TANC2: variants seen among roughly 807,000 people sequenced by gnomAD.
The protein encoded by TANC2 is tetratricopeptide repeat, ankyrin repeat and coiled-coil containing 2, also known as protein TANC2.
A neutral mutation model predicts 210.5 loss-of-function variants in TANC2; 26 were observed. The ratio of observed to expected loss-of-function variants is 0.12; its 90% CI spans 0.09 to 0.17. TANC2 has a LOEUF of 0.17. Among genes scored for constraint, TANC2 ranks in the 10% least tolerant of loss-of-function variants. TANC2 has a pLI of 1.00. For synonymous variants in TANC2, 931 were observed against 967.1 expected, an observed-to-expected ratio of 0.96 and a Z score of 0.69; for missense variants, 2,129 against 2,608.9, an observed-to-expected ratio of 0.82 and a Z score of 4.01.
intron 11 of TANC2, among the ~76,000 whole-genome samples, chr17:63,328,515 A>T (rs2045730286): frequency 6.6e-6 from 1 of 152,046 alleles, no homozygotes; most frequent in African/African-American, 2.4e-5. Flanking sequence ...CATTATGCTA[A>T]GTTAAATAAG....
At chr17:63,149,206 T>G (rs1240523265) in intron 4 of TANC2, 1 of 152,132 alleles carries the variant, frequency 6.6e-6, no homozygotes, top group African/African-American at 2.4e-5. Flanking sequence ...AGGTTTTATT[T>G]TTTTTCCTCT....
intron 3 of TANC2, among the ~76,000 whole-genome samples, chr17:63,085,407 T>C (rs2036922929): frequency 6.6e-6 from 1 of 152,164 alleles, no homozygotes. Flanking sequence ...CTTCTACTCT[T>C]TTCTGCCATT....
chr17:63,234,394 G>A (rs2042563660), intron 7 of TANC2, among the ~76,000 whole-genome samples: 1 of 152,070 alleles, frequency 6.6e-6, no homozygotes, highest in Non-Finnish European at 1.5e-5. Context: ...TCATATCATT[G>A]GTAACAATAT....
chr17:63,057,626 CTT>C (rs1266224299), intron 2 of TANC2, among the ~76,000 whole-genome samples: 3 of 152,068 alleles, frequency 2.0e-5, no homozygotes, highest in South Asian at 2.1e-4. Flanking sequence ...TTGTTTCCCT[CTT>C]TGTTTCCATG....
At chr17:63,357,350 T>C (rs541110981) in intron 14 of TANC2, among the ~76,000 whole-genome samples, 22 of 152,326 alleles carry the variant, frequency 1.4e-4, no homozygotes, top group African/African-American at 5.3e-4. Flanking sequence ...ACGGCTTTTA[T>C]ACAGCCATAT....
At chr17:63,027,437 T>C (rs1478195035) in intron 2 of TANC2, among the ~76,000 whole-genome samples, 1 of 152,060 alleles carries the variant, frequency 6.6e-6, no homozygotes, top group Non-Finnish European at 1.5e-5. Context: ...TAGAACAATG[T>C]TTGTGCCAAA....
intron 7 of TANC2, among the ~76,000 whole-genome samples, chr17:63,229,139 G>C (rs1467904493): frequency 6.6e-6 from 1 of 152,098 alleles, no homozygotes. Flanking sequence ...CTACATGAAG[G>C]GATGTTGAAT....
intron 6 of TANC2, among the ~76,000 whole-genome samples, chr17:63,195,679 T>C (rs2041322331): frequency 6.6e-6 from 1 of 152,222 alleles, no homozygotes; most frequent in East Asian, 1.9e-4. Flanking sequence ...GGTCTCCTAA[T>C]AGGTCTCTGT....
intron 9 of TANC2, among the ~76,000 whole-genome samples, chr17:63,298,014 C>T (rs1055617022): frequency 3.9e-5 from 6 of 152,108 alleles, no homozygotes; most frequent in South Asian, 2.1e-4. Context: ...TACTATTTTA[C>T]ACCCCCTAGG....
intron 9 of TANC2, among the ~76,000 whole-genome samples, chr17:63,314,105 C>T (rs1043519084): frequency 6.6e-6 from 1 of 152,194 alleles, no homozygotes; most frequent in Non-Finnish European, 1.5e-5. Context: ...CATCCCTTCC[C>T]TGTAATAATT....
chr17:63,271,436 C>CT (rs58847076), intron 9 of TANC2, among the ~76,000 whole-genome samples: 63,352 of 141,712 alleles, frequency 0.45, 16,645 homozygotes, highest in African/African-American at 0.76. Context: ...AGCTCTTTTT[C>CT]TTTTTTTTTT....
intron 2 of TANC2, among the ~76,000 whole-genome samples, chr17:63,022,834 C>T (rs551388099): frequency 6.6e-6 from 1 of 152,268 alleles, no homozygotes; most frequent in Non-Finnish European, 1.5e-5. Flanking sequence ...GCCCCAGGTG[C>T]AGCTTGACTC....
At position 63,376,024 on chromosome 17, in the gene TANC2, T is replaced by A. The variant is rs1435607676; in HGVS notation, c.2583-3694T>A. On this transcript the variant is annotated intron_variant, in intron 14 of 27. Coordinates refer to ENST00000689528, the Ensembl canonical transcript of TANC2. ...ATTGCTTGAACGTGGGAAGTGGAGG[T>A]TGCAGTGAGCCGAGATCACACCACT... Among the ~76,000 whole-genome samples the A allele has an allele frequency of 3.3e-5, 5 of 150,574 alleles. No individual in the cohort carries two copies. The East Asian group carries it at 9.9e-4, about 30-fold the overall frequency.
intron 9 of TANC2, among the ~76,000 whole-genome samples, chr17:63,270,902 G>T (rs1033489127): frequency 3.9e-5 from 6 of 152,082 alleles, no homozygotes; most frequent in Non-Finnish European, 5.9e-5. Context: ...CCACTTACAA[G>T]TGAGAACATG....
intron 4 of TANC2, among the ~76,000 whole-genome samples, chr17:63,102,646 A>T (rs1455788069): frequency 7.3e-6 from 1 of 136,528 alleles, no homozygotes; most frequent in Admixed American, 7.3e-5. Flanking sequence ...ACCTCTGGAC[A>T]CAGGAAGGGG....
chr17:63,401,860 C>T (rs921509073), intron 19 of TANC2, among the ~76,000 whole-genome samples: 7 of 152,152 alleles, frequency 4.6e-5, no homozygotes, highest in East Asian at 1.9e-4. Flanking sequence ...CCAGAGTTTA[C>T]GACATAAACT....
intron 2 of TANC2, among the ~76,000 whole-genome samples, chr17:63,034,599 T>C (rs2034899348): frequency 6.6e-6 from 1 of 152,176 alleles, no homozygotes; most frequent in Non-Finnish European, 1.5e-5. Context: ...CTGGAAAGGA[T>C]TCACCATTCT....
chr17:63,334,919 C>T, intron 11 of TANC2, among the ~76,000 whole-genome samples: 1 of 152,266 alleles, frequency 6.6e-6, no homozygotes, highest in South Asian at 2.1e-4. Flanking sequence ...AGGTGAGATG[C>T]TAGCAGGCAC....
intron 19 of TANC2, among the ~76,000 whole-genome samples, 179 bp from the exon 20 acceptor site, chr17:63,404,943 G>A (rs2048455404): frequency 6.6e-6 from 1 of 152,198 alleles, no homozygotes. Flanking sequence ...CAATTTAAAT[G>A]TGTCTTTATT....
Sources: gnomAD v4.1 joint callset for allele counts (sites outside exome capture counted in the v4.1 genomes callset) on GRCh38, gnomAD v4.1.1 for gene constraint, MANE v1.5 for transcripts, NCBI Gene and HGNC (gene_info 2026-07-23, HGNC 2026-07-21) for gene names.